The following OTX2 variants were observed in gnomAD, a reference collection of about 807,000 sequenced individuals.
OTX2 encodes homeobox protein OTX2.
Under a neutral mutation model 29.0 loss-of-function variants are expected in OTX2, and 4 were observed. The observed-to-expected ratio is 0.14, with a 90% CI of 0.07 to 0.32. OTX2 has a LOEUF of 0.32. Among genes scored for constraint, OTX2 ranks in the 10% least tolerant of loss-of-function variants. The pLI is 1.00. For missense variants in OTX2, 298 were observed against 365.9 expected (o/e 0.81, Z 1.51); for synonymous variants, 134 against 141.0 (o/e 0.95, Z 0.35).
intron 2 of OTX2, among the ~76,000 whole-genome samples, chr14:56,806,478 A>G (rs1892093267): frequency 6.6e-6 from 1 of 152,198 alleles, no homozygotes; most frequent in South Asian, 2.1e-4. Context: ...AATCCCACCA[A>G]TCAGATAATG....
chr14:56,804,495 C>T lies in OTX2; in HGVS notation c.98-132G>A, dbSNP rs1594954885. ...CGGGAGCCTACCAATGCTCTCCCCA[C>T]CGTCTCCCCAGCCTTGCTCCCCGGG... On this transcript the variant is annotated intron_variant, in intron 3 of 4. Transcript: ENST00000672264. The surrounding 1 kb of genome is among the most constrained non-coding windows in gnomAD (Gnocchi z 4.1). 10 of 829,896 alleles carry T rather than the reference C, an allele frequency of 1.2e-5. No homozygotes were observed. In the East Asian group the frequency reaches 2.7e-4, roughly 22 times the overall value. The allele number at this position is 829,896 out of a possible 1,614,324, so 51.4% of individuals were successfully genotyped here.
At position 56,810,148 on chromosome 14, in the gene OTX2, C is replaced by A. The variant is rs1170305090; in HGVS notation, c.-120+11G>T. The A allele has an allele frequency of 6.6e-6, 1 of 152,160 alleles. No individual in the cohort carries two copies. The highest frequency in any genetic ancestry group is 1.5e-5 in the Non-Finnish European group (1 of 68,052). The allele number at this position is 152,160 out of a possible 1,614,324, so 9.4% of individuals were successfully genotyped here. A position where few individuals can be genotyped will look rare whatever the true frequency, so the allele number is the denominator to read the frequency against. On this transcript the variant is annotated intron_variant, in intron 2 of 4. Transcript: ENST00000672264. ...TAGATATGGATATAGACAAGACAGA[C>A]GGACACTTACCTTACAGCCTCATGG...
Position 56,801,632 on chromosome 14 carries a change from G to T in OTX2, c.*103C>A. 1.5e-6 allele frequency: 2 copies of T among 1,316,534 alleles called. No individual in the cohort carries two copies. Among genetic ancestry groups the T allele is most frequent in the Non-Finnish European group, 1.1e-6 (1 of 914,354 alleles). The allele number at this position is 1,316,534 out of a possible 1,614,324, so 81.6% of individuals were successfully genotyped here. On this transcript the variant is annotated 3_prime_UTR_variant, in exon 5 of 5. Coordinates refer to ENST00000672264, the MANE Select transcript of OTX2 (RefSeq NM_021728.4). The surrounding 1 kb of genome is among the most constrained non-coding windows in gnomAD (Gnocchi z 4.2). ...CTCGGAACTTTGATCAGATGAGTCTGAGCATCATCCCATCTAACTCTTTTA... is the reference window on the plus strand; with the variant it reads ...CTCGGAACTTTGATCAGATGAGTCTTAGCATCATCCCATCTAACTCTTTTA...
At position 56,805,433 on chromosome 14, in the gene OTX2, C is replaced by T. The variant is rs1382934738; in HGVS notation, c.24G>A (p.Pro8=). The T allele has an allele frequency of 1.2e-6, 2 of 1,613,732 alleles. No individual in the cohort carries two copies. The highest frequency in any genetic ancestry group is 2.2e-5 in the East Asian group (1 of 44,866). MMSYLKQ[P]PYAVNGLSLT... is the part of the protein sequence containing the mutation. ...GACTCAGCCCATTGACTGCGTAAGG[C>T]GGTTGCTTAAGATAAGACATCATGC... Residue 8 remains proline, a synonymous_variant, in exon 3 of 5, where the codon CCG becomes CCA. Transcript: ENST00000672264.
chr14:56,801,231 C>A lies in OTX2; in HGVS notation c.*504G>T. ...ACATTATTTTTTAAATAAAGTAGTGCATCTAGGACAATCAGTCACACAATT... is the reference window on the plus strand; with the variant it reads ...ACATTATTTTTTAAATAAAGTAGTGAATCTAGGACAATCAGTCACACAATT... On this transcript the variant is annotated 3_prime_UTR_variant, in exon 5 of 5. Coordinates refer to ENST00000672264, the MANE Select transcript of OTX2 (RefSeq NM_021728.4). This position sits in a 1 kb window ranked among gnomAD's most constrained non-coding sequence, Gnocchi z 4.2. The A allele has an allele frequency of 5.3e-6, 1 of 188,218 alleles. No homozygotes were observed. Among genetic ancestry groups the A allele is most frequent in the East Asian group, 1.3e-4 (1 of 7,998 alleles). 11.7% of individuals were successfully genotyped at this position (188,218 alleles called of 1,614,324 possible).
At chr14:56,808,083 G>A (rs1433923167) in intron 2 of OTX2, among the ~76,000 whole-genome samples, 1 of 150,608 alleles carries the variant, frequency 6.6e-6, no homozygotes. Flanking sequence ...CGGTCAATTC[G>A]TGCAATCTGT....
Position 56,804,432 on chromosome 14 carries a change from A to C in OTX2, c.98-69T>G, listed in dbSNP as rs1594954795. ...GGGTTCTCCGACGCCCCTGCCCTCCACCCCGCAGCAGTCCCCCGTTCCTCA... is the reference window on the plus strand; with the variant it reads ...GGGTTCTCCGACGCCCCTGCCCTCCCCCCCGCAGCAGTCCCCCGTTCCTCA... On this transcript the variant is annotated intron_variant, in intron 3 of 4. Transcript: ENST00000672264. This position sits in a 1 kb window ranked among gnomAD's most constrained non-coding sequence, Gnocchi z 4.1. 1.1e-5 allele frequency: 16 copies of C among 1,413,462 alleles called. No homozygotes were observed. Among genetic ancestry groups the C allele is most frequent in the Admixed American group, 2.0e-5 (1 of 49,478 alleles). 87.6% of individuals were successfully genotyped at this position (1,413,462 alleles called of 1,614,324 possible).
chr14:56,808,838 G>A (rs1273406002), intron 2 of OTX2, among the ~76,000 whole-genome samples: 1 of 152,234 alleles, frequency 6.6e-6, no homozygotes, highest in African/African-American at 2.4e-5. Flanking sequence ...AAGCCAACTC[G>A]GTGGAATCCT....
chr14:56,807,999 C>T lies in OTX2; in HGVS notation c.-120+2160G>A, dbSNP rs766708256. Among the ~76,000 whole-genome samples the T allele has an allele frequency of 2.2e-3, 253 of 116,088 alleles. 1 individual carries two copies. The highest frequency in any genetic ancestry group is 2.9e-3 in the Non-Finnish European group (156 of 53,278). 76.2% of individuals were successfully genotyped at this position (116,088 alleles called of 152,430 possible). Reference sequence around the variant, plus strand: ...GCCCCGCAGCCCCGCAGCCCCGCAGCCCCGCAGCCCCGCAGGCCTGGCGCC... The same window carrying T: ...GCCCCGCAGCCCCGCAGCCCCGCAGTCCCGCAGCCCCGCAGGCCTGGCGCC... On this transcript the variant is annotated intron_variant, in intron 2 of 4. Coordinates refer to ENST00000672264, the MANE Select transcript of OTX2 (RefSeq NM_021728.4).
chr14:56,805,812 T>TAAA (rs397957887), intron 2 of OTX2: 4 of 112,234 alleles, frequency 3.6e-5, no homozygotes, highest in Non-Finnish European at 5.0e-5. Context: ...ACCCTAAACT[T>TAAA]AAAAAAAAAA....
In OTX2 at chr14:56,801,214, T is replaced by G. The variant is rs1042182924; in HGVS notation, c.*521A>C. ...ATATTGACTCCTTATGAACATTATT[T>G]TTTAAATAAAGTAGTGCATCTAGGA... On this transcript the variant is annotated 3_prime_UTR_variant, in exon 5 of 5. Transcript: ENST00000672264. This position sits in a 1 kb window ranked among gnomAD's most constrained non-coding sequence, Gnocchi z 4.2. 2 of 185,530 alleles carry G rather than the reference T, an allele frequency of 1.1e-5. No homozygotes were observed. Among genetic ancestry groups the G allele is most frequent in the African/African-American group, 4.7e-5 (2 of 42,172 alleles). 11.5% of individuals were successfully genotyped at this position (185,530 alleles called of 1,614,324 possible). A position where few individuals can be genotyped will look rare whatever the true frequency, so the allele number is the denominator to read the frequency against.
rs778357805 is a variant in OTX2 at position 56,802,228 on chromosome 14, C to G, written c.401G>C (p.Gly134Ala). 1 of 1,614,054 alleles carries G rather than the reference C, an allele frequency of 6.2e-7. No homozygotes were observed. The highest frequency in any genetic ancestry group is 8.5e-7 in the Non-Finnish European group (1 of 1,180,016). ...GGGGGGAGTGAATTGGCCACTTGTT[C>G]CACTCTCTGAACTCACTTCCCGAGC... ...SPAREVSSES[G>A]TSGQFTPPSS... Residue 134 changes from glycine (G) to alanine (A), a missense_variant, in exon 5 of 5, where the codon GGA becomes GCA. By Grantham distance (60) the Gly-to-Ala change is moderately conservative. Around this residue, in one of 3 missense-constraint regions of OTX2, gnomAD observed 219 missense variants for 223.5 expected, o/e 0.98. Transcript: ENST00000672264. This position sits in a 1 kb window ranked among gnomAD's most constrained non-coding sequence, Gnocchi z 4.4.
chr14:56,808,170 C>G (rs1379133298), intron 2 of OTX2, among the ~76,000 whole-genome samples: 1 of 152,204 alleles, frequency 6.6e-6, no homozygotes, highest in Non-Finnish European at 1.5e-5. Flanking sequence ...CCTCGCTCAA[C>G]AATAATTACC....
chr14:56,809,935 G>A (rs568566314), intron 2 of OTX2, among the ~76,000 whole-genome samples: 2 of 152,174 alleles, frequency 1.3e-5, no homozygotes, highest in Non-Finnish European at 2.9e-5. Flanking sequence ...CCAGGAGCAC[G>A]CTCTCTGCCT....
At chr14:56,807,802 G>A (rs560823724) in intron 2 of OTX2, among the ~76,000 whole-genome samples, 9 of 152,320 alleles carry the variant, frequency 5.9e-5, no homozygotes, top group African/African-American at 2.2e-4. Flanking sequence ...GGTCCAGAAC[G>A]GGGAAAAGAA....
Position 56,802,503 on chromosome 14 carries a change from C to T in OTX2, c.274-148G>A, listed in dbSNP as rs1202117558. On this transcript the variant is annotated intron_variant, in intron 4 of 4. Coordinates refer to ENST00000672264, the MANE Select transcript of OTX2 (RefSeq NM_021728.4). This position sits in a 1 kb window ranked among gnomAD's most constrained non-coding sequence, Gnocchi z 4.4. ...CTGAAGACCTATTATGTGGTACTCT[C>T]ATATAAACTCCTGGACTTGTAAGAA... is the stretch of plus-strand genomic sequence containing the variant. 9.0e-6 allele frequency: 8 copies of T among 893,130 alleles called. No individual in the cohort carries two copies. Among genetic ancestry groups the T allele is most frequent in the Admixed American group, 1.9e-5 (1 of 53,890 alleles). The allele number at this position is 893,130 out of a possible 1,614,324, so 55.3% of individuals were successfully genotyped here. A position where few individuals can be genotyped will look rare whatever the true frequency, so the allele number is the denominator to read the frequency against.
At chr14:56,806,987 C>CA (rs1224479606) in intron 2 of OTX2, among the ~76,000 whole-genome samples, 1 of 152,064 alleles carries the variant, frequency 6.6e-6, no homozygotes, top group Admixed American at 6.6e-5. Context: ...TTAAAGGACT[C>CA]CGGGTTTTCA....
intron 2 of OTX2, among the ~76,000 whole-genome samples, chr14:56,805,821 A>AT (rs1461512128): frequency 6.7e-6 from 1 of 149,998 alleles, no homozygotes; most frequent in Non-Finnish European, 1.5e-5. Context: ...TTAAAAAAAA[A>AT]AAAAAAGTAC....
chr14:56,800,360 C>G lies in OTX2; in HGVS notation c.*1375G>C, dbSNP rs1463300146. The G allele has an allele frequency of 6.6e-6, 1 of 152,024 alleles. No individual in the cohort carries two copies. The highest frequency in any genetic ancestry group is 1.9e-4 in the East Asian group (1 of 5,184). The allele number at this position is 152,024 out of a possible 1,614,324, so 9.4% of individuals were successfully genotyped here. ...TGTCATTCTCATGTTTTCAGAGATA[C>G]TCCAATTCTCCTCCTCCCTCTTAAA... On this transcript the variant is annotated 3_prime_UTR_variant, in exon 5 of 5. Coordinates refer to ENST00000672264, the MANE Select transcript of OTX2 (RefSeq NM_021728.4).
Sources: gnomAD v4.1 joint callset for allele counts (sites outside exome capture counted in the v4.1 genomes callset) on GRCh38, gnomAD v4.1.1 for gene constraint, gnomAD v4.1.1 regional missense constraint, Gnocchi (gnomAD v3.1) non-coding constraint, MANE v1.5 for transcripts, NCBI Gene and HGNC (gene_info 2026-07-23, HGNC 2026-07-21) for gene names.